NAV2: variants seen among roughly 807,000 people sequenced by gnomAD.
The protein encoded by NAV2 is neuron navigator 2.
Under a neutral mutation model 223.2 loss-of-function variants are expected in NAV2, and 54 were observed. The ratio of observed to expected loss-of-function variants is 0.24; its 90% CI spans 0.19 to 0.30. The LOEUF (loss-of-function observed/expected upper bound fraction) is 0.30. NAV2 is among the 10% of genes least tolerant of loss of function. The pLI, the probability that NAV2 is intolerant of heterozygous loss-of-function variation, is 1.00. For missense variants in NAV2, 2,806 were observed against 3,147.5 expected (o/e 0.89, Z 2.60); for synonymous variants, 1,279 against 1,239.3 (o/e 1.03, Z -0.67).
At chr11:20,017,201 G>C (rs2054086797) in intron 11 of NAV2, among the ~76,000 whole-genome samples, 1 of 152,090 alleles carries the variant, frequency 6.6e-6, no homozygotes, top group African/African-American at 2.4e-5. Context: ...TGTTATTAAT[G>C]GTTTGAGAGT....
chr11:19,833,219 TGA>T (rs1204325302), intron 2 of NAV2, among the ~76,000 whole-genome samples: 1 of 152,216 alleles, frequency 6.6e-6, no homozygotes, highest in Admixed American at 6.5e-5. Context: ...TGGGCCTGAC[TGA>T]GAGCCCAGAG....
intron 1 of NAV2, among the ~76,000 whole-genome samples, chr11:19,692,360 C>G (rs901322161): frequency 3.9e-5 from 6 of 152,252 alleles, no homozygotes; most frequent in Non-Finnish European, 5.9e-5. Flanking sequence ...GAAGCACCAA[C>G]CAAATGTATG....
chr11:19,637,608 C>T (rs904218981), intron 1 of NAV2, among the ~76,000 whole-genome samples: 1 of 152,224 alleles, frequency 6.6e-6, no homozygotes, highest in African/African-American at 2.4e-5. Context: ...GGGGAGGCCT[C>T]AGGAAGCTTT....
At chr11:19,634,145 A>G (rs1383371499) in intron 1 of NAV2, among the ~76,000 whole-genome samples, 2 of 152,202 alleles carry the variant, frequency 1.3e-5, no homozygotes, top group African/African-American at 2.4e-5. Context: ...GGTTTGCTGC[A>G]TAGGTTTCCC....
chr11:20,021,997 A>C (rs1199255187), intron 11 of NAV2, among the ~76,000 whole-genome samples: 1 of 151,692 alleles, frequency 6.6e-6, no homozygotes, highest in Admixed American at 6.6e-5. Context: ...TTCCCTAACC[A>C]TCCCCCAGGG....
exon 1 of NAV2, chr11:19,350,822 G>A (rs1853265283): frequency 1.2e-6 from 1 of 818,026 alleles, no homozygotes. Flanking sequence ...CTTTGAAGAG[G>A]TGGTGCTGAT....
At chr11:19,582,011 T>A (rs2045735103) in intron 1 of NAV2, among the ~76,000 whole-genome samples, 1 of 152,222 alleles carries the variant, frequency 6.6e-6, no homozygotes, top group African/African-American at 2.4e-5. Flanking sequence ...TTTCTCCACA[T>A]CCTCTCCAGC....
intron 1 of NAV2, among the ~76,000 whole-genome samples, chr11:19,584,576 G>T (rs548680518): frequency 9.8e-4 from 149 of 152,238 alleles, no homozygotes; most frequent in African/African-American, 3.4e-3. Flanking sequence ...CTGGTATGTT[G>T]TGTCTTTGTT....
chr11:19,539,183 G>A (rs1590451720), intron 1 of NAV2, among the ~76,000 whole-genome samples: 1 of 152,208 alleles, frequency 6.6e-6, no homozygotes, highest in Admixed American at 6.5e-5. Context: ...CGATCAGTTA[G>A]ATCAATGGTC....
intron 1 of NAV2, among the ~76,000 whole-genome samples, chr11:19,385,757 T>TTTTTTC (rs1435035929): frequency 9.2e-5 from 1 of 10,866 alleles, no homozygotes; most frequent in African/African-American, 1.7e-4. Context: ...TAGCTCCTTT[T>TTTTTTC]TTTTTTTTTT....
chr11:19,768,144 G>A lies in NAV2; in HGVS notation c.267+54182G>A, dbSNP rs557599149. Among the ~76,000 whole-genome samples the A allele has an allele frequency of 2.0e-5, 3 of 152,342 alleles. No homozygotes were observed. In the South Asian group the frequency reaches 6.2e-4, roughly 32 times the overall value. On this transcript the variant is annotated intron_variant, in intron 1 of 37. Coordinates refer to ENST00000349880, the MANE Select transcript of NAV2 (RefSeq NM_145117.5). ...TGGAACTTCTTCATCCGGGATGGGC[G>A]TCCTGCACGCACGTTGAGTGGCTCT...
intron 11 of NAV2, among the ~76,000 whole-genome samples, chr11:20,010,025 A>T (rs1040621623): frequency 1.3e-5 from 2 of 152,200 alleles, no homozygotes; most frequent in Non-Finnish European, 2.9e-5. Flanking sequence ...TCTTGAGGGC[A>T]AGAACCTATC....
chr11:19,653,242 G>A (rs1190656886), intron 1 of NAV2, among the ~76,000 whole-genome samples: 1 of 152,214 alleles, frequency 6.6e-6, no homozygotes, highest in Non-Finnish European at 1.5e-5. Flanking sequence ...GGATGGCGGT[G>A]AAACATGGGA....
At chr11:19,608,968 A>G (rs1321596911) in intron 1 of NAV2, among the ~76,000 whole-genome samples, 27 of 152,104 alleles carry the variant, frequency 1.8e-4, no homozygotes, top group African/African-American at 2.4e-5. Flanking sequence ...TCATGGTCTC[A>G]TTTCCTTCTC....
rs1255922235 is a variant in NAV2, at chr11:19,879,754, T to A, written c.512-115T>A. 4 of 1,168,318 alleles carry A rather than the reference T, an allele frequency of 3.4e-6. 1 individual carries two copies. In the East Asian group the frequency reaches 9.4e-5, roughly 27 times the overall value. 72.4% of individuals were successfully genotyped at this position (1,168,318 alleles called of 1,614,324 possible). A position where few individuals can be genotyped will look rare whatever the true frequency, so the allele number is the denominator to read the frequency against. On this transcript the variant is annotated intron_variant, in intron 4 of 37. Coordinates refer to ENST00000349880, the MANE Select transcript of NAV2 (RefSeq NM_145117.5). ...TTAATTGCCTGTGATACCAATGAAG[T>A]GTTCAGGAAGCCTGTCATATCCTAA...
intron 1 of NAV2, among the ~76,000 whole-genome samples, chr11:19,478,651 T>C (rs1475496854): frequency 6.6e-6 from 1 of 152,236 alleles, no homozygotes; most frequent in African/African-American, 2.4e-5. Context: ...GTGCCCAATC[T>C]AAGCCTTGAC....
intron 10 of NAV2, among the ~76,000 whole-genome samples, chr11:19,954,989 G>T (rs1398573950): frequency 6.7e-6 from 1 of 149,190 alleles, no homozygotes; most frequent in Non-Finnish European, 1.5e-5. Flanking sequence ...ATATATATAT[G>T]GGATAGGAAA....
intron 1 of NAV2, among the ~76,000 whole-genome samples, chr11:19,500,728 A>C (rs1287140446): frequency 6.6e-6 from 1 of 152,166 alleles, no homozygotes; most frequent in Non-Finnish European, 1.5e-5. Flanking sequence ...AAGACTTATA[A>C]AACTTTCAGA....
intron 1 of NAV2, among the ~76,000 whole-genome samples, chr11:19,485,269 A>G (rs1427283723): frequency 6.6e-6 from 1 of 152,164 alleles, no homozygotes; most frequent in African/African-American, 2.4e-5. Context: ...TGGAGGGGTC[A>G]AGATGTGGTG....
Sources: allele counts gnomAD v4.1 joint callset (sites outside exome capture counted in the v4.1 genomes callset), GRCh38; gene constraint gnomAD v4.1.1; transcripts MANE v1.5; gene names NCBI Gene and HGNC (gene_info 2026-07-23, HGNC 2026-07-21).